Variants in IL1RAPL2 observed in about 807,000 individuals in gnomAD.
IL1RAPL2 encodes interleukin 1 receptor accessory protein like 2, also known as X-linked interleukin-1 receptor accessory protein-like 2.
A neutral mutation model predicts 44.1 loss-of-function variants in IL1RAPL2; 3 were observed. The observed-to-expected ratio is 0.07, with a 90% CI of 0.03 to 0.18. The LOEUF (loss-of-function observed/expected upper bound fraction) is 0.18, where lower values mean the gene tolerates loss of function less well. IL1RAPL2 is among the 10% of genes least tolerant of loss of function. IL1RAPL2 has a pLI of 1.00. For synonymous variants in IL1RAPL2, 181 were observed against 178.8 expected (o/e 1.01, Z -0.10); for missense variants, 391 against 496.4 (o/e 0.79, Z 2.02).
At chrX:104,854,684 T>C (rs1215797802) in intron 2 of IL1RAPL2, among the ~76,000 whole-genome samples, 1 of 109,877 alleles carries the variant, frequency 9.1e-6, no homozygotes, top group African/African-American at 3.3e-5. Context: ...GGAGATGCTA[T>C]AGTAGAAATA....
At chrX:105,034,011 T>C (rs1388184948) in intron 2 of IL1RAPL2, among the ~76,000 whole-genome samples, 3 of 112,265 alleles carry the variant, frequency 2.7e-5, no homozygotes, top group Admixed American at 9.5e-5. Context: ...TCCAGTTGAT[T>C]GCAATGGCTC....
intron 2 of IL1RAPL2, among the ~76,000 whole-genome samples, chrX:104,690,658 C>A (rs1931075966): frequency 8.9e-6 from 1 of 112,195 alleles, no homozygotes; most frequent in African/African-American, 3.2e-5. Context: ...CTTGCCTATC[C>A]TTTAAAATTT....
At chrX:105,458,579 A>G (rs1831652512) in intron 5 of IL1RAPL2, among the ~76,000 whole-genome samples, 1 of 111,795 alleles carries the variant, frequency 8.9e-6, no homozygotes, top group Non-Finnish European at 1.9e-5. Context: ...TGGGCCAAGT[A>G]TACAGTTTTG....
chrX:104,973,179 G>A (rs1020513351), intron 2 of IL1RAPL2, among the ~76,000 whole-genome samples: 1 of 111,401 alleles, frequency 9.0e-6, no homozygotes, highest in Non-Finnish European at 1.9e-5. Context: ...TTTAAAGGGG[G>A]CATAGTGAGG....
chrX:105,019,938 T>A (rs1031480970), intron 2 of IL1RAPL2, among the ~76,000 whole-genome samples: 1 of 110,704 alleles, frequency 9.0e-6, no homozygotes, highest in Non-Finnish European at 1.9e-5. Context: ...GAAACCTGAG[T>A]ATTAAAGTTC....
At chrX:105,057,184 C>A (rs780619996) in intron 2 of IL1RAPL2, among the ~76,000 whole-genome samples, 1 of 112,170 alleles carries the variant, frequency 8.9e-6, no homozygotes, top group Admixed American at 9.5e-5. Flanking sequence ...AATTCAATTA[C>A]CTACAATATC....
intron 2 of IL1RAPL2, among the ~76,000 whole-genome samples, chrX:104,930,506 A>G (rs765453541): frequency 8.9e-6 from 1 of 112,001 alleles, no homozygotes; most frequent in African/African-American, 3.2e-5. Flanking sequence ...TAACTATTCA[A>G]TACTCACAGT....
intron 2 of IL1RAPL2, among the ~76,000 whole-genome samples, chrX:105,043,447 A>G (rs2031788539): frequency 1.8e-5 from 2 of 109,177 alleles, no homozygotes; most frequent in African/African-American, 6.7e-5. Context: ...GGAGGCAGCC[A>G]GTCTCCAACC....
At chrX:105,437,549 G>C (rs961532140) in intron 5 of IL1RAPL2, among the ~76,000 whole-genome samples, 22 of 111,390 alleles carry the variant, frequency 2.0e-4, no homozygotes, top group Non-Finnish European at 1.3e-4. Context: ...GATACATAAA[G>C]CATATATTCC....
chrX:105,357,525 G>T (rs992587034), intron 5 of IL1RAPL2, among the ~76,000 whole-genome samples: 1 of 110,349 alleles, frequency 9.1e-6, no homozygotes, highest in Non-Finnish European at 1.9e-5. Flanking sequence ...TAAAATATTT[G>T]GTATAGACAT....
At chrX:104,992,283 T>C (rs1446402900) in intron 2 of IL1RAPL2, among the ~76,000 whole-genome samples, 1 of 111,083 alleles carries the variant, frequency 9.0e-6, no homozygotes, top group East Asian at 2.8e-4. Flanking sequence ...CACTGGCAGC[T>C]GTGTGATAAG....
intron 6 of IL1RAPL2, among the ~76,000 whole-genome samples, chrX:105,691,764 C>CA (rs926345974): frequency 9.0e-5 from 10 of 110,829 alleles, no homozygotes; most frequent in African/African-American, 2.6e-4. Context: ...TTTTTAAAGT[C>CA]AAAAAATCAC....
At chrX:105,109,893 G>C (rs766918731) in intron 2 of IL1RAPL2, among the ~76,000 whole-genome samples, 1 of 112,158 alleles carries the variant, frequency 8.9e-6, no homozygotes, top group Non-Finnish European at 1.9e-5. Context: ...GCTTCATCTC[G>C]TGAATTGCAC....
chrX:105,442,095 G>A (rs1002007988), intron 5 of IL1RAPL2, among the ~76,000 whole-genome samples: 1 of 109,578 alleles, frequency 9.1e-6, no homozygotes, highest in Admixed American at 9.8e-5. Context: ...CTGTTGCCCA[G>A]GCTGGAGTGC....
intron 2 of IL1RAPL2, among the ~76,000 whole-genome samples, chrX:104,670,300 G>A (rs1002302925): frequency 9.0e-6 from 1 of 111,531 alleles, no homozygotes; most frequent in African/African-American, 3.3e-5. Flanking sequence ...ACGTCCAAGA[G>A]TGGGAAGCAT....
chrX:104,892,348 T>G (rs1476978988), intron 2 of IL1RAPL2, among the ~76,000 whole-genome samples: 1 of 111,942 alleles, frequency 8.9e-6, no homozygotes, highest in Non-Finnish European at 1.9e-5. Flanking sequence ...TTCTATTGAT[T>G]GGAATCATTT....
At chrX:105,400,974 G>C (rs748823424) in intron 5 of IL1RAPL2, among the ~76,000 whole-genome samples, 1 of 111,829 alleles carries the variant, frequency 8.9e-6, no homozygotes, top group African/African-American at 3.2e-5. Flanking sequence ...ACCAGGTTTG[G>C]TAATTCTGAT....
chrX:104,773,563 G>T (rs1932671106), intron 2 of IL1RAPL2, among the ~76,000 whole-genome samples: 1 of 111,581 alleles, frequency 9.0e-6, no homozygotes, highest in Admixed American at 9.6e-5. Context: ...ATTTCCATAG[G>T]CTTCAATGAT....
intron 6 of IL1RAPL2, among the ~76,000 whole-genome samples, chrX:105,633,172 A>T (rs2037502425): frequency 8.9e-6 from 1 of 111,906 alleles, no homozygotes; most frequent in Non-Finnish European, 1.9e-5. Flanking sequence ...GTTGGTAAAC[A>T]TTTCTTTACT....
Sources: gnomAD v4.1 joint callset for allele counts (sites outside exome capture counted in the v4.1 genomes callset) on GRCh38, gnomAD v4.1.1 for gene constraint, MANE v1.5 for transcripts, NCBI Gene and HGNC (gene_info 2026-07-23, HGNC 2026-07-21) for gene names.